ADCY8: variants seen among roughly 807,000 people sequenced by gnomAD.
The protein encoded by ADCY8 is adenylate cyclase type 8.
A neutral mutation model predicts 119.7 loss-of-function variants in ADCY8; 51 were observed. That is an observed-to-expected ratio of 0.43 (90% CI 0.34 to 0.54). The LOEUF (loss-of-function observed/expected upper bound fraction) is 0.54, where lower values mean the gene tolerates loss of function less well. Ranked by LOEUF, ADCY8 falls within the 20% of genes least tolerant of loss-of-function variation. The probability of loss-of-function intolerance (pLI) is 0.03; values close to 1 mark genes in which losing one functional copy is unlikely to be tolerated. For missense variants in ADCY8, 1,383 were observed against 1,598.8 expected (o/e 0.87, Z 2.30); for synonymous variants, 665 against 651.0 (o/e 1.02, Z -0.33).
At chr8:130,993,609 T>C (rs1822671776) in intron 1 of ADCY8, among the ~76,000 whole-genome samples, 1 of 152,188 alleles carries the variant, frequency 6.6e-6, no homozygotes, top group South Asian at 2.1e-4. Context: ...CTCATGGTAG[T>C]GAATAAGTCT....
intron 12 of ADCY8, among the ~76,000 whole-genome samples, chr8:130,821,809 C>T (rs1816519470): frequency 6.6e-6 from 1 of 152,154 alleles, no homozygotes; most frequent in Non-Finnish European, 1.5e-5. Context: ...TATACTGGGC[C>T]AGGCACAGTT....
rs554419392 is a variant in ADCY8, at chr8:131,031,725, G to T, written c.960+7649C>A. On this transcript the variant is annotated intron_variant, in intron 1 of 17. Transcript: ENST00000286355. ...GCAACAAAAAACCTTCACCAGATAT[G>T]GTCCCTCAGTCTTGGAATTCCTGGT... Among the ~76,000 whole-genome samples the T allele has an allele frequency of 2.4e-4, 37 of 152,128 alleles. No homozygotes were observed. In the South Asian group the frequency reaches 7.7e-3, roughly 32 times the overall value.
At chr8:130,852,387 G>A (rs1479157710) in intron 9 of ADCY8, among the ~76,000 whole-genome samples, 3 of 152,106 alleles carry the variant, frequency 2.0e-5, no homozygotes, top group African/African-American at 7.2e-5. Flanking sequence ...AGGCAGATGG[G>A]AAACTTCCCT....
intron 8 of ADCY8, among the ~76,000 whole-genome samples, chr8:130,875,783 CTG>C (rs1188926985): frequency 6.6e-6 from 1 of 152,152 alleles, no homozygotes; most frequent in Non-Finnish European, 1.5e-5. Context: ...CAGAAAAAAA[CTG>C]AGAGACATTC....
intron 5 of ADCY8, among the ~76,000 whole-genome samples, chr8:130,936,578 C>A (rs1248532057): frequency 6.6e-6 from 1 of 152,144 alleles, no homozygotes; most frequent in Non-Finnish European, 1.5e-5. Context: ...TTCCAAGATC[C>A]TGTCAATGTC....
intron 13 of ADCY8, among the ~76,000 whole-genome samples, chr8:130,817,528 AGTCTATCAGAGACTACCAGGGT>A (rs1816385306): frequency 6.6e-6 from 1 of 152,232 alleles, no homozygotes; most frequent in Non-Finnish European, 1.5e-5. Context: ...GGAAACCAGG[AGTCTATCAGAGACTACCAGGGT>A]TATGTCAAAA....
chr8:130,868,751 A>G (rs181529862), intron 8 of ADCY8, among the ~76,000 whole-genome samples: 43 of 152,316 alleles, frequency 2.8e-4, no homozygotes, highest in African/African-American at 8.9e-4. Flanking sequence ...ATTTGACCTT[A>G]ATGAGAGAGA....
chr8:130,870,671 A>G (rs148016314), intron 8 of ADCY8, among the ~76,000 whole-genome samples: 1,750 of 152,226 alleles, frequency 0.011, 42 homozygotes, highest in African/African-American at 0.04. Context: ...TATAGATCCC[A>G]AGCCTGAGTC....
At chr8:130,964,675 A>G (rs1007494339) in intron 2 of ADCY8, among the ~76,000 whole-genome samples, 1 of 152,228 alleles carries the variant, frequency 6.6e-6, no homozygotes, top group Non-Finnish European at 1.5e-5. Flanking sequence ...TTAAGGAACT[A>G]GAAATATTAA....
chr8:130,919,866 C>A (rs376619972), intron 5 of ADCY8, among the ~76,000 whole-genome samples: 5 of 152,162 alleles, frequency 3.3e-5, no homozygotes, highest in African/African-American at 1.2e-4. Flanking sequence ...TGGCAATGAG[C>A]TGAAGTCACT....
chr8:130,866,922 G>T (rs1046654221), intron 9 of ADCY8, among the ~76,000 whole-genome samples: 2 of 152,108 alleles, frequency 1.3e-5, no homozygotes, highest in African/African-American at 4.8e-5. Context: ...TAATGTCTTT[G>T]TCACCTACTA....
intron 5 of ADCY8, chr8:130,935,615 C>T (rs1820759819): frequency 6.6e-6 from 1 of 152,214 alleles, no homozygotes; most frequent in Non-Finnish European, 1.5e-5. Flanking sequence ...TTGCAGAAGA[C>T]AGCAAAGGCC....
chr8:130,974,029 T>C (rs1400631560), intron 2 of ADCY8, among the ~76,000 whole-genome samples: 2 of 152,210 alleles, frequency 1.3e-5, no homozygotes, highest in African/African-American at 4.8e-5. Context: ...GCCAATACTC[T>C]TTTGAATACT....
chr8:130,851,886 T>A (rs1018737338), intron 9 of ADCY8, among the ~76,000 whole-genome samples: 3 of 152,318 alleles, frequency 2.0e-5, no homozygotes, highest in African/African-American at 4.8e-5. Context: ...ATCATTCAGT[T>A]ACAGATATCT....
In ADCY8 at chr8:131,039,422, G is replaced by C. The variant is rs748670030; in HGVS notation, c.912C>G (p.Val304=). The change falls in exon 1 of 18, where the codon GTC becomes GTG. Residue 304 remains valine, a synonymous_variant. Transcript: ENST00000286355. ...LAGLGTSLLQ[V]ILQVVIPRLA... ...GCCGGGGTATGACCACTTGGAGGATGACCTGCAGCAGCGAGGTGCCCAGGC... is the reference window on the plus strand; with the variant it reads ...GCCGGGGTATGACCACTTGGAGGATCACCTGCAGCAGCGAGGTGCCCAGGC... 5.0e-6 allele frequency: 8 copies of C among 1,614,070 alleles called. No homozygotes were observed. The Admixed American group carries it at 1.3e-4, about 27-fold the overall frequency.
At chr8:130,946,038 C>A (rs2130645670) in intron 3 of ADCY8, among the ~76,000 whole-genome samples, 1 of 152,320 alleles carries the variant, frequency 6.6e-6, no homozygotes. Flanking sequence ...AAAGTCATTG[C>A]TATGACAGGT....
At chr8:131,038,043 C>A (rs1824217820) in intron 1 of ADCY8, among the ~76,000 whole-genome samples, 1 of 152,130 alleles carries the variant, frequency 6.6e-6, no homozygotes, top group African/African-American at 2.4e-5. Context: ...CTTCAGAAAG[C>A]ACTGTAAAAG....
rs535435064 is a variant in ADCY8 at position 130,800,662 on chromosome 8, G to A, written c.2914-90C>T. ...CCTGTGCACACATGTGGGTACACAC[G>A]TGCACAGTCACCCACAGAGAGACAG... is the stretch of plus-strand genomic sequence containing the variant. On this transcript the variant is annotated intron_variant, in intron 14 of 17. Transcript: ENST00000286355. 321 of 1,382,858 alleles carry A rather than the reference G, an allele frequency of 2.3e-4. 2 individuals are homozygous for A. The highest frequency in any genetic ancestry group is 1.1e-3 in the South Asian group (86 of 79,048). 85.7% of individuals were successfully genotyped at this position (1,382,858 alleles called of 1,614,324 possible).
At chr8:130,805,621 C>G (rs1041292947) in intron 14 of ADCY8, among the ~76,000 whole-genome samples, 10 of 152,134 alleles carry the variant, frequency 6.6e-5, no homozygotes, top group African/African-American at 2.4e-4. Flanking sequence ...CTACAGGGGT[C>G]TGACAGTCAG....
Sources: gnomAD v4.1 joint callset for allele counts (sites outside exome capture counted in the v4.1 genomes callset) on GRCh38, gnomAD v4.1.1 for gene constraint, MANE v1.5 for transcripts, NCBI Gene and HGNC (gene_info 2026-07-23, HGNC 2026-07-21) for gene names.